TBC1D22A: variants seen among roughly 807,000 people sequenced by gnomAD.
The protein encoded by TBC1D22A is TBC1 domain family member 22A, also known as putative GTPase activator.
A neutral mutation model predicts 60.2 loss-of-function variants in TBC1D22A; 38 were observed. The ratio of observed to expected loss-of-function variants is 0.63; its 90% CI spans 0.49 to 0.83. The LOEUF (loss-of-function observed/expected upper bound fraction) is 0.83, where lower values mean the gene tolerates loss of function less well. Ranked by LOEUF, TBC1D22A falls within the 40% of genes least tolerant of loss-of-function variation. TBC1D22A has a pLI of 0.00. For synonymous variants in TBC1D22A, 302 were observed against 281.7 expected, an observed-to-expected ratio of 1.07 and a Z score of -0.72; for missense variants, 628 against 701.0, an observed-to-expected ratio of 0.90 and a Z score of 1.18.
intron 10 of TBC1D22A, among the ~76,000 whole-genome samples, chr22:47,032,330 G>A (rs1023595441): frequency 3.3e-5 from 5 of 152,204 alleles, no homozygotes; most frequent in Non-Finnish European, 5.9e-5. Flanking sequence ...CTCTGTTTCC[G>A]GACAAAGTCC....
At chr22:47,059,526 C>T (rs1913524468) in intron 11 of TBC1D22A, among the ~76,000 whole-genome samples, 1 of 152,204 alleles carries the variant, frequency 6.6e-6, no homozygotes, top group Non-Finnish European at 1.5e-5. Flanking sequence ...TTTCCACCCC[C>T]AATGTGAGCA....
At chr22:47,050,780 G>A (rs1243352868) in intron 11 of TBC1D22A, among the ~76,000 whole-genome samples, 3 of 152,156 alleles carry the variant, frequency 2.0e-5, no homozygotes, top group South Asian at 4.1e-4. Flanking sequence ...AGGGTGAAGT[G>A]CGCATCGGTG....
At chr22:46,781,144 T>TG (rs1191571483) in intron 1 of TBC1D22A, among the ~76,000 whole-genome samples, 199 of 150,386 alleles carry the variant, frequency 1.3e-3, no homozygotes, top group Middle Eastern at 6.8e-3. Context: ...AATTTTGTTT[T>TG]TTTTTTTTTT....
intron 11 of TBC1D22A, among the ~76,000 whole-genome samples, chr22:47,058,455 C>T (rs181037548): frequency 6.6e-6 from 1 of 152,266 alleles, no homozygotes; most frequent in East Asian, 1.9e-4. Context: ...CTCTTCCCGG[C>T]TCCTTGTGGT....
At chr22:46,909,538 C>T (rs2069747580) in intron 7 of TBC1D22A, among the ~76,000 whole-genome samples, 1 of 152,154 alleles carries the variant, frequency 6.6e-6, no homozygotes, top group Non-Finnish European at 1.5e-5. Context: ...CCTCAGGCAC[C>T]CCGGGCCTTC....
chr22:47,020,922 T>A (rs2062064715), intron 10 of TBC1D22A, among the ~76,000 whole-genome samples: 3 of 151,832 alleles, frequency 2.0e-5, no homozygotes. Context: ...GAGATTTCCC[T>A]TTGCTTCTGA....
At chr22:46,956,324 G>T (rs9615428) in intron 8 of TBC1D22A, among the ~76,000 whole-genome samples, 16,284 of 152,194 alleles carry the variant, frequency 0.11, 1,147 homozygotes, top group African/African-American at 0.2. Context: ...AGTGGCTCAC[G>T]CCTGTAATCC....
chr22:46,997,274 C>T (rs542433159), intron 9 of TBC1D22A, among the ~76,000 whole-genome samples: 7 of 152,332 alleles, frequency 4.6e-5, no homozygotes, highest in South Asian at 4.1e-4. Context: ...AGGTGGCCAG[C>T]GAGGTGGTCA....
At chr22:46,932,085 C>T (rs956898329) in intron 8 of TBC1D22A, among the ~76,000 whole-genome samples, 18 of 152,174 alleles carry the variant, frequency 1.2e-4, no homozygotes, top group African/African-American at 3.1e-4. Context: ...CCCATTTGTG[C>T]GTTTATAGAA....
At chr22:46,874,730 C>T (rs770151308) in intron 4 of TBC1D22A, among the ~76,000 whole-genome samples, 8 of 151,796 alleles carry the variant, frequency 5.3e-5, no homozygotes, top group Admixed American at 6.6e-5. Flanking sequence ...CATGCCACCA[C>T]GCCTGGCTAA....
rs867071247 is a variant in TBC1D22A at position 47,028,194 on chromosome 22, A to G, written c.1202-8877A>G. 2.6e-5 allele frequency among the ~76,000 whole-genome samples: 4 copies of G among 152,220 alleles called. No individual in the cohort carries two copies. The highest frequency in any genetic ancestry group is 5.9e-5 in the Non-Finnish European group (4 of 68,040). ...GTTACTGTCAAAAAAATAGACCTCAATACCTCTCTAGAGATGAAAAGATTG... is the reference window on the plus strand; with the variant it reads ...GTTACTGTCAAAAAAATAGACCTCAGTACCTCTCTAGAGATGAAAAGATTG... On this transcript the variant is annotated intron_variant, in intron 10 of 12. Transcript: ENST00000337137. The surrounding 1 kb of genome is among the most constrained non-coding windows in gnomAD (Gnocchi z 4.4).
At chr22:46,801,994 T>C (rs1180070839) in intron 4 of TBC1D22A, among the ~76,000 whole-genome samples, 1 of 152,226 alleles carries the variant, frequency 6.6e-6, no homozygotes, top group Non-Finnish European at 1.5e-5. Flanking sequence ...CCTGGGCCCT[T>C]GGTGACAGGA....
Position 46,793,793 on chromosome 22 carries a change from C to T in TBC1D22A, c.412C>T (p.Leu138Phe), listed in dbSNP as rs1018052328. The stretch of plus-strand genomic sequence containing the variant: ...GCCGCCCTCACCCCCCAGCGGCGAC[C>T]TCCGGCTGGTGAAGTCGGTCAGTGA... ...AEPPSPPSGD[L>F]RLVKSVSESH... The change falls in exon 3 of 13, where the codon CTC becomes TTC. Residue 138 changes from leucine to phenylalanine, a missense_variant. Physicochemically the swap from Leu to Phe is conservative, Grantham distance 22. Coordinates refer to ENST00000337137, the MANE Select transcript of TBC1D22A (RefSeq NM_014346.5). 1 of 1,598,670 alleles carries T rather than the reference C, an allele frequency of 6.3e-7. No homozygotes were observed. Among genetic ancestry groups the T allele is most frequent in the Non-Finnish European group, 8.5e-7 (1 of 1,173,316 alleles).
intron 12 of TBC1D22A, among the ~76,000 whole-genome samples, chr22:47,143,523 C>T (rs960963091): frequency 1.5e-4 from 23 of 152,206 alleles, no homozygotes; most frequent in Admixed American, 7.9e-4. Flanking sequence ...CTACACCTTC[C>T]GGGGAATGGT....
At chr22:47,142,469 A>C (rs1334495993) in intron 12 of TBC1D22A, among the ~76,000 whole-genome samples, 1 of 14,260 alleles carries the variant, frequency 7.0e-5, no homozygotes. Flanking sequence ...CCACCCATCC[A>C]TTCACCCGCC....
At chr22:47,112,938 A>G (rs1478556126) in intron 12 of TBC1D22A, among the ~76,000 whole-genome samples, 1 of 152,106 alleles carries the variant, frequency 6.6e-6, no homozygotes, top group Admixed American at 6.5e-5. Context: ...TGCACAGGGG[A>G]ATGTGGAGGC....
At chr22:47,070,600 C>T (rs76271033) in intron 11 of TBC1D22A, among the ~76,000 whole-genome samples, 34,183 of 132,784 alleles carry the variant, frequency 0.26, 5,757 homozygotes, top group East Asian at 0.59. Context: ...GCTGACCTGA[C>T]GGTTCCAGGC....
chr22:47,128,508 C>T (rs1285640269), intron 12 of TBC1D22A, among the ~76,000 whole-genome samples: 1 of 148,062 alleles, frequency 6.8e-6, no homozygotes, highest in African/African-American at 2.5e-5. Context: ...CTTGCTGATC[C>T]CAGGTGTGCT....
chr22:46,941,556 A>C (rs1232935099), intron 8 of TBC1D22A, among the ~76,000 whole-genome samples: 1 of 147,586 alleles, frequency 6.8e-6, no homozygotes, highest in Non-Finnish European at 1.5e-5. Context: ...ATATACAGGG[A>C]ATATATATAC....
Sources: allele counts gnomAD v4.1 joint callset (sites outside exome capture counted in the v4.1 genomes callset), GRCh38; gene constraint gnomAD v4.1.1; non-coding constraint Gnocchi (gnomAD v3.1); transcripts MANE v1.5; gene names NCBI Gene and HGNC (gene_info 2026-07-23, HGNC 2026-07-21).